The following IP6K2 variants were observed in gnomAD, a reference collection of about 807,000 sequenced individuals.
IP6K2 encodes ATP:1D-myo-inositol-hexakisphosphate phosphotransferase.
A neutral mutation model predicts 43.3 loss-of-function variants in IP6K2; 9 were observed. The observed-to-expected ratio is 0.21, with a 90% CI of 0.13 to 0.36. IP6K2 has a LOEUF of 0.36. IP6K2 is among the 10% of genes least tolerant of loss of function. The probability of loss-of-function intolerance (pLI) is 1.00; values close to 1 mark genes in which losing one functional copy is unlikely to be tolerated. For missense variants in IP6K2, 332 were observed against 538.4 expected (o/e 0.62, Z 3.79); for synonymous variants, 209 against 202.4 (o/e 1.03, Z -0.28).
chr3:48,704,719 T>G (rs1319687788), intron 1 of IP6K2, among the ~76,000 whole-genome samples: 1 of 152,160 alleles, frequency 6.6e-6, no homozygotes, highest in Non-Finnish European at 1.5e-5. Flanking sequence ...GTGATCCTCC[T>G]GCCTTGGCCT....
Position 48,691,402 on chromosome 3 carries a change from C to A in IP6K2, c.509G>T (p.Ser170Ile). The A allele has an allele frequency of 6.2e-7, 1 of 1,611,794 alleles. No homozygotes were observed. The highest frequency in any genetic ancestry group is 1.1e-5 in the South Asian group (1 of 91,038). Residue 170 changes from serine (S) to isoleucine (I), a missense_variant, in exon 4 of 6, where the codon AGT becomes ATT. Transcript: ENST00000328631. ...AGGGTTATAGTGTTTAAGCTGGGAA[C>A]TTATATTCCCCTTCTTCTCTACAGT... ...YYTVEKKGNI[S>I]SQLKHYNPWS... is the part of the protein sequence containing the mutation.
chr3:48,709,055 G>A (rs535460383), intron 1 of IP6K2, among the ~76,000 whole-genome samples: 3 of 152,326 alleles, frequency 2.0e-5, no homozygotes, highest in South Asian at 2.1e-4. Flanking sequence ...GTGACAGAGC[G>A]AGACACTGTC....
chr3:48,691,234 C>A, intron 4 of IP6K2, 73 bp downstream of exon 4: 1 of 1,297,772 alleles, frequency 7.7e-7, no homozygotes, highest in Non-Finnish European at 1.1e-6. Flanking sequence ...CTTCTCTCTC[C>A]AAGCTCCAAG....
chr3:48,691,216 A>C, intron 4 of IP6K2, 91 bp downstream of exon 4: 2 of 1,092,562 alleles, frequency 1.8e-6, no homozygotes, highest in Non-Finnish European at 2.7e-6. Flanking sequence ...ATGACTATAA[A>C]AACCTAACTT....
intron 2 of IP6K2, chr3:48,694,198 T>C (rs781485112): frequency 6.4e-6 from 10 of 1,550,598 alleles, no homozygotes; most frequent in East Asian, 2.4e-5. Context: ...GGGGAAAAAA[T>C]GGGGCAGGGA....
At chr3:48,693,868 T>C (rs2078011529) in intron 2 of IP6K2, 2 of 1,189,608 alleles carry the variant, frequency 1.7e-6, no homozygotes, top group South Asian at 2.9e-5. Flanking sequence ...CACAGACATG[T>C]GGTGGCCTTG....
chr3:48,715,211 A>G lies in IP6K2; in HGVS notation c.-131+1946T>C, dbSNP rs1025866731. ...TTTCTAATGTATAAGAGTGTGTTCA[A>G]TTTGTTACCCAAGATTATCCCACTA... is the stretch of plus-strand genomic sequence containing the variant. On this transcript the variant is annotated intron_variant, in intron 1 of 5. Transcript: ENST00000328631. 4.1e-6 allele frequency: 5 copies of G among 1,218,318 alleles called. No homozygotes were observed. The African/African-American group carries it at 7.5e-5, about 18-fold the overall frequency. 75.5% of individuals were successfully genotyped at this position (1,218,318 alleles called of 1,614,324 possible). A position where few individuals can be genotyped will look rare whatever the true frequency, so the allele number is the denominator to read the frequency against.
At chr3:48,699,987 C>T (rs1404604954) in intron 1 of IP6K2, among the ~76,000 whole-genome samples, 10 of 152,038 alleles carry the variant, frequency 6.6e-5, no homozygotes, top group Non-Finnish European at 7.4e-5. Flanking sequence ...TTCAGGAATT[C>T]GAGACTAGCC....
At chr3:48,689,434 G>A in intron 5 of IP6K2, 104 bp downstream of exon 5, 2 of 1,220,020 alleles carry the variant, frequency 1.6e-6, no homozygotes, top group South Asian at 2.9e-5. Flanking sequence ...TTACAGGTGT[G>A]AGCCACTGCA....
intron 2 of IP6K2, chr3:48,694,324 C>T: frequency 6.5e-7 from 1 of 1,549,574 alleles, no homozygotes; most frequent in South Asian, 1.2e-5. Context: ...ATTCAGAGTA[C>T]AGAGAAAGGC....
chr3:48,702,144 T>C (rs923036192), intron 1 of IP6K2, among the ~76,000 whole-genome samples: 3 of 151,622 alleles, frequency 2.0e-5, no homozygotes, highest in African/African-American at 7.3e-5. Context: ...GGCAGGAGAA[T>C]TGCTTGAACC....
In IP6K2 at chr3:48,691,386, G is replaced by C. The variant is rs149056051; in HGVS notation, c.525C>G (p.His175Gln). The C allele has an allele frequency of 8.1e-5, 131 of 1,613,428 alleles. No homozygotes were observed. The African/African-American group carries it at 1.5e-3, about 18-fold the overall frequency. Residue 175 changes from histidine to glutamine, a missense_variant, in exon 4 of 6, where the codon CAC becomes CAG. Physicochemically the swap from His to Gln is conservative, Grantham distance 24. Coordinates refer to ENST00000328631, the MANE Select transcript of IP6K2 (RefSeq NM_016291.4). ...KKGNISSQLK[H>Q]YNPWSMKCHQ... ...GACATTTCATGCTCCAAGGGTTATA[G>C]TGTTTAAGCTGGGAACTTATATTCC...
intron 1 of IP6K2, chr3:48,699,673 G>T (rs1167144552): frequency 6.6e-6 from 1 of 152,134 alleles, no homozygotes; most frequent in Non-Finnish European, 1.5e-5. Context: ...GCAGAATTAG[G>T]GAAACAATTG....
At chr3:48,702,913 G>A (rs555871419) in intron 1 of IP6K2, among the ~76,000 whole-genome samples, 11 of 152,168 alleles carry the variant, frequency 7.2e-5, no homozygotes, top group African/African-American at 2.2e-4. Flanking sequence ...AATACCTAAC[G>A]CATACAGATC....
At position 48,713,011 on chromosome 3, in the gene IP6K2, T is replaced by G. The variant is rs532220015; in HGVS notation, c.-131+4146A>C. On this transcript the variant is annotated intron_variant, in intron 1 of 5. Transcript: ENST00000328631. ...CTGGGCAACAGAGTGAGACTCCGTC[T>G]CCAAAAACAACAATAATAATAATAA... Among the ~76,000 whole-genome samples the G allele has an allele frequency of 2.0e-5, 3 of 152,034 alleles. No individual in the cohort carries two copies. In the East Asian group the frequency reaches 5.8e-4, roughly 29 times the overall value.
rs757512024 is a variant in IP6K2 at position 48,695,045 on chromosome 3, C to T, written c.202+45G>A. On this transcript the variant is annotated intron_variant, in intron 2 of 5. Transcript: ENST00000328631. The surrounding 1 kb of genome is among the most constrained non-coding windows in gnomAD (Gnocchi z 4.6). Reference sequence around the variant, plus strand: ...GGCCTTCCATGGCCACGATCTCTCACATCTCCTCGCCAGTGTGGCAACCCC... The same window carrying T: ...GGCCTTCCATGGCCACGATCTCTCATATCTCCTCGCCAGTGTGGCAACCCC... The T allele has an allele frequency of 3.1e-6, 5 of 1,614,180 alleles. No homozygotes were observed. Among genetic ancestry groups the T allele is most frequent in the South Asian group, 1.1e-5 (1 of 91,090 alleles).
chr3:48,705,909 T>A (rs200182402), intron 1 of IP6K2, among the ~76,000 whole-genome samples: 8 of 146,328 alleles, frequency 5.5e-5, no homozygotes, highest in South Asian at 2.1e-4. Flanking sequence ...TAAAATAAAA[T>A]AAAAAAAAAC....
At chr3:48,694,404 C>T (rs1257406575) in intron 2 of IP6K2, 2 of 1,546,400 alleles carry the variant, frequency 1.3e-6, no homozygotes, top group Non-Finnish European at 1.7e-6. Context: ...TTCTAGAGTC[C>T]TTTATGTAAC....
chr3:48,693,598 A>T, intron 2 of IP6K2: 3 of 1,163,556 alleles, frequency 2.6e-6, no homozygotes, highest in Non-Finnish European at 3.2e-6. Flanking sequence ...GCAGAGCCTG[A>T]ATACAGGGGG....
Sources: gnomAD v4.1 joint callset for allele counts (sites outside exome capture counted in the v4.1 genomes callset) on GRCh38, gnomAD v4.1.1 for gene constraint, Gnocchi (gnomAD v3.1) non-coding constraint, MANE v1.5 for transcripts, NCBI Gene and HGNC (gene_info 2026-07-23, HGNC 2026-07-21) for gene names.